CAST: variants seen among roughly 807,000 people sequenced by gnomAD.
CAST encodes the protein MIR583 host.
CAST carries 76 observed loss-of-function variants against 119.6 expected under a neutral mutation model. That is an observed-to-expected ratio of 0.64 (90% confidence interval 0.53 to 0.77). CAST has a LOEUF of 0.77. Among genes scored for constraint, CAST ranks in the 30% least tolerant of loss-of-function variants. CAST has a pLI of 0.00. For synonymous variants in CAST, 319 were observed against 331.6 expected (o/e 0.96, Z 0.41); for missense variants, 953 against 946.5 (o/e 1.01, Z -0.09).
At chr5:96,113,045 T>C in the CAST span, among the ~76,000 whole-genome samples, 1 of 152,218 alleles carries the variant, frequency 6.6e-6, no homozygotes, top group Non-Finnish European at 1.5e-5. Context: ...CCATAGATGG[T>C]TGATCCCATC....
chr5:96,642,840 C>T (rs1435367861), intron 1 of CAST, among the ~76,000 whole-genome samples: 1 of 152,194 alleles, frequency 6.6e-6, no homozygotes, highest in Non-Finnish European at 1.5e-5. Flanking sequence ...TGAGCCACCA[C>T]GCCCATCCAA....
intron 1 of CAST, among the ~76,000 whole-genome samples, chr5:96,551,612 A>G (rs985763926): frequency 3.3e-5 from 5 of 152,182 alleles, no homozygotes; most frequent in African/African-American, 9.7e-5. Flanking sequence ...CAATTAAGAG[A>G]CAAAGACTGG....
At chr5:96,477,293 TGCAC>T in the CAST span, among the ~76,000 whole-genome samples, 2 of 143,064 alleles carry the variant, frequency 1.4e-5, no homozygotes, top group African/African-American at 5.4e-5. Context: ...TAGAGATATA[TGCAC>T]GCACGCGTGC....
chr5:96,711,810 G>T lies in CAST; in HGVS notation c.211-10829G>T, dbSNP rs111367455. Among the ~76,000 whole-genome samples, 591 of 152,282 alleles carry T rather than the reference G, an allele frequency of 3.9e-3. 10 individuals carry two copies. Among genetic ancestry groups the T allele is most frequent in the South Asian group, 0.033 (159 of 4,830 alleles). ...TCTTTTGTTATATGCAGTATCTTAG[G>T]ACTGCTGAAATTCTAATGGGTGAGG... On this transcript the variant is annotated intron_variant, in intron 3 of 31. Coordinates refer to ENST00000675179, the MANE Select transcript of CAST (RefSeq NM_001750.7).
intron 1 of CAST, among the ~76,000 whole-genome samples, chr5:96,668,510 AAAG>A (rs1393917084): frequency 1.4e-4 from 22 of 152,236 alleles, no homozygotes; most frequent in Admixed American, 1.4e-3. Flanking sequence ...TGCCAGGGAA[AAAG>A]AAGGGAGTGA....
chr5:96,067,572 A>G, the CAST span, among the ~76,000 whole-genome samples: 2 of 152,192 alleles, frequency 1.3e-5, no homozygotes, highest in Non-Finnish European at 2.9e-5. Flanking sequence ...AGGTTTTCCT[A>G]AATTGGCCTA....
chr5:96,135,038 T>C, the CAST span, among the ~76,000 whole-genome samples: 6 of 152,114 alleles, frequency 3.9e-5, no homozygotes, highest in Non-Finnish European at 8.8e-5. Flanking sequence ...AGGAGAAAGC[T>C]TGGCACTTGC....
chr5:96,455,191 G>C, the CAST span, among the ~76,000 whole-genome samples: 1 of 152,198 alleles, frequency 6.6e-6, no homozygotes, highest in Non-Finnish European at 1.5e-5. Context: ...AGGAAACCTA[G>C]CCTGCATCTC....
the CAST span, among the ~76,000 whole-genome samples, chr5:96,131,882 G>A: frequency 2.0e-5 from 3 of 152,180 alleles, no homozygotes; most frequent in Admixed American, 2.0e-4. Context: ...TTCAGGTGAT[G>A]TTGGCAGCCA....
At chr5:96,698,431 C>A (rs1753545895) in intron 3 of CAST, among the ~76,000 whole-genome samples, 1 of 152,170 alleles carries the variant, frequency 6.6e-6, no homozygotes, top group Non-Finnish European at 1.5e-5. Flanking sequence ...CTTATGTCTG[C>A]TGTTTCTCTT....
At chr5:96,268,759 C>T in the CAST span, among the ~76,000 whole-genome samples, 1 of 151,980 alleles carries the variant, frequency 6.6e-6, no homozygotes, top group Non-Finnish European at 1.5e-5. Flanking sequence ...AAACTGGAAA[C>T]CAAAAAAGAG....
chr5:96,302,011 A>G, the CAST span, among the ~76,000 whole-genome samples: 946 of 152,312 alleles, frequency 6.2e-3, 3 homozygotes, highest in Non-Finnish European at 9.8e-3. Flanking sequence ...CCATGAGGAC[A>G]CTACCCCTGC....
chr5:96,246,022 T>A, the CAST span, among the ~76,000 whole-genome samples: 2 of 151,864 alleles, frequency 1.3e-5, no homozygotes, highest in Admixed American at 1.3e-4. Context: ...GTAGAGGTAG[T>A]TGAACTGAGA....
the CAST span, among the ~76,000 whole-genome samples, chr5:96,411,156 G>C: frequency 6.6e-6 from 1 of 152,218 alleles, no homozygotes; most frequent in Non-Finnish European, 1.5e-5. Flanking sequence ...TCACAAGGCT[G>C]TGTATTATAA....
At chr5:96,518,873 C>A in the CAST span, among the ~76,000 whole-genome samples, 1 of 151,954 alleles carries the variant, frequency 6.6e-6, no homozygotes, top group African/African-American at 2.4e-5. Flanking sequence ...AAAAAATTAG[C>A]TAGTCATGGT....
chr5:95,972,683 G>T, the CAST span, among the ~76,000 whole-genome samples: 35 of 151,942 alleles, frequency 2.3e-4, no homozygotes, highest in Admixed American at 2.2e-3. Context: ...AGTATCTTTT[G>T]CAGAGCAAAA....
At chr5:96,185,831 G>A in the CAST span, among the ~76,000 whole-genome samples, 1 of 151,970 alleles carries the variant, frequency 6.6e-6, no homozygotes, top group Non-Finnish European at 1.5e-5. Flanking sequence ...TGGCTATTTG[G>A]GCTCTTTTTT....
At chr5:96,417,404 A>G in the CAST span, among the ~76,000 whole-genome samples, 1 of 151,936 alleles carries the variant, frequency 6.6e-6, no homozygotes, top group Non-Finnish European at 1.5e-5. Flanking sequence ...CTGTTTGGGG[A>G]AGCAGCCCTC....
chr5:96,491,612 C>T, the CAST span, among the ~76,000 whole-genome samples: 2 of 149,826 alleles, frequency 1.3e-5, no homozygotes, highest in African/African-American at 4.9e-5. Flanking sequence ...AGAAAACTGA[C>T]GGTATTTATT....
Sources: gnomAD v4.1 joint callset for allele counts (sites outside exome capture counted in the v4.1 genomes callset) on GRCh38, gnomAD v4.1.1 for gene constraint, MANE v1.5 for transcripts, NCBI Gene and HGNC (gene_info 2026-07-23, HGNC 2026-07-21) for gene names.